KCNAB1: variants seen among roughly 807,000 people sequenced by gnomAD.
The protein encoded by KCNAB1 is potassium voltage-gated channel subfamily A regulatory beta subunit 1.
A neutral mutation model predicts 64.6 loss-of-function variants in KCNAB1; 35 were observed. The ratio of observed to expected loss-of-function variants is 0.54; its 90% CI spans 0.41 to 0.72. KCNAB1 has a LOEUF of 0.72. KCNAB1 is among the 30% of genes least tolerant of loss of function. The probability of loss-of-function intolerance (pLI) is 0.00; values close to 1 mark genes in which losing one functional copy is unlikely to be tolerated. For synonymous variants in KCNAB1, 177 were observed against 183.8 expected, an observed-to-expected ratio of 0.96 and a Z score of 0.30; for missense variants, 401 against 512.9, an observed-to-expected ratio of 0.78 and a Z score of 2.11.
In KCNAB1 at chr3:156,471,092, C is replaced by T. The variant is rs142126358; in HGVS notation, c.572-3642C>T. 1.9e-3 allele frequency among the ~76,000 whole-genome samples: 287 copies of T among 152,236 alleles called. 1 individual carries two copies. The highest frequency in any genetic ancestry group is 6.5e-3 in the African/African-American group (272 of 41,552). On this transcript the variant is annotated intron_variant, in intron 7 of 13. Coordinates refer to ENST00000490337, the MANE Select transcript of KCNAB1 (RefSeq NM_172160.3). Reference sequence around the variant, plus strand: ...TGCAAGCTAGATAGAAAAGCAAGTGCGTGGTAGGTGTAAAAGGTGACAACA... The same window carrying T: ...TGCAAGCTAGATAGAAAAGCAAGTGTGTGGTAGGTGTAAAAGGTGACAACA...
chr3:156,436,995 C>T (rs943278395), intron 2 of KCNAB1, among the ~76,000 whole-genome samples: 13 of 152,124 alleles, frequency 8.5e-5, no homozygotes, highest in African/African-American at 2.2e-4. Flanking sequence ...TGTGCCATGT[C>T]GTGAATGGTA....
intron 1 of KCNAB1, among the ~76,000 whole-genome samples, chr3:156,135,198 T>C (rs983982192): frequency 3.9e-5 from 6 of 152,080 alleles, no homozygotes; most frequent in African/African-American, 1.4e-4. Flanking sequence ...GGTTTCATCA[T>C]GTTGGCCAGG....
intron 1 of KCNAB1, among the ~76,000 whole-genome samples, chr3:156,326,601 C>G (rs1020288100): frequency 6.6e-6 from 1 of 152,172 alleles, no homozygotes; most frequent in Non-Finnish European, 1.5e-5. Flanking sequence ...TCACTACTCT[C>G]CCTATTCAGC....
intron 1 of KCNAB1, among the ~76,000 whole-genome samples, chr3:156,184,420 G>C (rs1560125730): frequency 6.6e-6 from 1 of 152,160 alleles, no homozygotes. Flanking sequence ...GAAGTGGAGA[G>C]AGACAAATAG....
intron 8 of KCNAB1, among the ~76,000 whole-genome samples, chr3:156,480,783 C>T (rs997558525): frequency 1.3e-5 from 2 of 152,070 alleles, no homozygotes; most frequent in African/African-American, 4.8e-5. Context: ...TTCAAGTGCT[C>T]AATAGCCACA....
At chr3:156,189,065 C>G (rs1577689859) in intron 1 of KCNAB1, among the ~76,000 whole-genome samples, 1 of 152,306 alleles carries the variant, frequency 6.6e-6, no homozygotes, top group East Asian at 1.9e-4. Context: ...ATGCCCTTCT[C>G]CTGCTCTCTA....
intron 2 of KCNAB1, among the ~76,000 whole-genome samples, chr3:156,425,507 A>T (rs1313303043): frequency 6.6e-6 from 1 of 152,196 alleles, no homozygotes; most frequent in African/African-American, 2.4e-5. Flanking sequence ...TGTTCTGTAA[A>T]TATACTGCCC....
At chr3:156,350,013 C>A (rs1333260909) in intron 1 of KCNAB1, among the ~76,000 whole-genome samples, 1 of 151,992 alleles carries the variant, frequency 6.6e-6, no homozygotes, top group Non-Finnish European at 1.5e-5. Flanking sequence ...AAATTTTGTT[C>A]ATCTTTTTTC....
At chr3:156,269,077 G>A (rs1177025149) in intron 1 of KCNAB1, among the ~76,000 whole-genome samples, 2 of 152,078 alleles carry the variant, frequency 1.3e-5, no homozygotes, top group African/African-American at 4.8e-5. Context: ...TTCTGCATAT[G>A]GATATCCAAT....
At chr3:156,288,078 G>A (rs1489472959) in intron 1 of KCNAB1, among the ~76,000 whole-genome samples, 4 of 152,174 alleles carry the variant, frequency 2.6e-5, no homozygotes, top group African/African-American at 9.7e-5. Flanking sequence ...CCAAGATCAA[G>A]GTACTTGCAG....
At chr3:156,197,623 T>G (rs1714039495) in intron 1 of KCNAB1, among the ~76,000 whole-genome samples, 3 of 152,238 alleles carry the variant, frequency 2.0e-5, no homozygotes, top group African/African-American at 7.2e-5. Context: ...AGTTGGTATT[T>G]CTGTGGGACC....
intron 1 of KCNAB1, among the ~76,000 whole-genome samples, chr3:156,247,490 A>C (rs1717528397): frequency 6.6e-6 from 1 of 151,962 alleles, no homozygotes; most frequent in African/African-American, 2.4e-5. Flanking sequence ...CTCATCCTTC[A>C]AGTCTCAGTT....
intron 1 of KCNAB1, among the ~76,000 whole-genome samples, chr3:156,322,156 G>A (rs909776718): frequency 1.3e-5 from 2 of 152,136 alleles, no homozygotes; most frequent in African/African-American, 4.8e-5. Context: ...AAACACAAAG[G>A]GCAGATTCTC....
chr3:156,370,431 A>G (rs2108125444), intron 1 of KCNAB1, among the ~76,000 whole-genome samples: 1 of 152,358 alleles, frequency 6.6e-6, no homozygotes, highest in Middle Eastern at 3.4e-3. Flanking sequence ...TTTAGCACTA[A>G]GTGAAATAAT....
At chr3:156,383,885 G>T (rs960412468) in intron 1 of KCNAB1, among the ~76,000 whole-genome samples, 2 of 152,202 alleles carry the variant, frequency 1.3e-5, no homozygotes, top group African/African-American at 4.8e-5. Flanking sequence ...CCACTTGACG[G>T]CATCCAGGTT....
intron 1 of KCNAB1, among the ~76,000 whole-genome samples, chr3:156,173,693 G>C (rs976653187): frequency 6.6e-6 from 1 of 152,126 alleles, no homozygotes; most frequent in Non-Finnish European, 1.5e-5. Context: ...TGTATGCGAT[G>C]GTTAATTTTA....
At chr3:156,301,373 A>G (rs768338656) in intron 1 of KCNAB1, among the ~76,000 whole-genome samples, 2 of 152,200 alleles carry the variant, frequency 1.3e-5, no homozygotes, top group African/African-American at 2.4e-5. Context: ...CTTTTGACTC[A>G]CTACTCAATT....
In KCNAB1 at chr3:156,356,119, A is replaced by T. The variant is rs34738464; in HGVS notation, c.276-65497A>T. ...CCTGAGTGACAGAGTGGGACCCTGT[A>T]AAAAAAAAAAAAAAAAGAAAGAAAA... On this transcript the variant is annotated intron_variant, in intron 1 of 13. Transcript: ENST00000490337. Among the ~76,000 whole-genome samples the T allele has an allele frequency of 2.0e-3, 195 of 97,736 alleles. 2 individuals are homozygous for T. The highest frequency in any genetic ancestry group is 0.013 in the African/African-American group (177 of 13,644). The allele number at this position is 97,736 out of a possible 152,430, so 64.1% of individuals were successfully genotyped here. A position where few individuals can be genotyped will look rare whatever the true frequency, so the allele number is the denominator to read the frequency against.
chr3:156,137,788 T>A (rs1344202438), intron 1 of KCNAB1, among the ~76,000 whole-genome samples: 1 of 150,900 alleles, frequency 6.6e-6, no homozygotes, highest in Non-Finnish European at 1.5e-5. Context: ...ACTCCTGACC[T>A]CAGATGATCC....
Sources: gnomAD v4.1 joint callset for allele counts (sites outside exome capture counted in the v4.1 genomes callset) on GRCh38, gnomAD v4.1.1 for gene constraint, MANE v1.5 for transcripts, NCBI Gene and HGNC (gene_info 2026-07-23, HGNC 2026-07-21) for gene names.